The following ZBTB7C variants were observed in gnomAD, a reference collection of about 807,000 sequenced individuals.
ZBTB7C encodes zinc finger and BTB domain-containing protein 7C.
In ZBTB7C, 8 loss-of-function variants were observed where a neutral mutation model predicts 25.7. The observed-to-expected ratio is 0.31, with a 90% CI of 0.18 to 0.56. ZBTB7C has a LOEUF of 0.56. Ranked by LOEUF, ZBTB7C falls within the 20% of genes least tolerant of loss-of-function variation. ZBTB7C has a pLI of 0.91. For synonymous variants in ZBTB7C, 394 were observed against 369.0 expected (o/e 1.07, Z -0.78); for missense variants, 824 against 855.2 (o/e 0.96, Z 0.46).
intron 3 of ZBTB7C, among the ~76,000 whole-genome samples, chr18:48,107,799 G>C (rs796729860): frequency 2.0e-5 from 3 of 152,294 alleles, no homozygotes; most frequent in African/African-American, 7.2e-5. Context: ...CAAGTGCTGA[G>C]ATGGCGCCTA....
intron 3 of ZBTB7C, chr18:48,185,363 T>C (rs765734966): frequency 2.3e-6 from 1 of 444,188 alleles, no homozygotes; most frequent in South Asian, 1.6e-5. Flanking sequence ...AGGTGTCTTC[T>C]CTTCCTGAAC....
chr18:48,144,503 C>T (rs1311314374), intron 3 of ZBTB7C, among the ~76,000 whole-genome samples: 1 of 151,986 alleles, frequency 6.6e-6, no homozygotes, highest in Non-Finnish European at 1.5e-5. Context: ...ACCACCATGC[C>T]TGGCTAATTT....
chr18:48,409,614 C>T (rs1268508175), upstream of ZBTB7C, among the ~76,000 whole-genome samples: 1 of 151,296 alleles, frequency 6.6e-6, no homozygotes, highest in South Asian at 2.1e-4. Flanking sequence ...CTTGCTGCGC[C>T]GCAGCCCCCG....
intron 2 of ZBTB7C, among the ~76,000 whole-genome samples, chr18:48,249,184 T>A (rs1270193400): frequency 6.6e-6 from 1 of 152,236 alleles, no homozygotes; most frequent in East Asian, 1.9e-4. Context: ...TTAAATAATA[T>A]TTTTGCAAAG....
chr18:48,341,332 G>C (rs529639037), intron 1 of ZBTB7C, among the ~76,000 whole-genome samples: 2 of 152,194 alleles, frequency 1.3e-5, no homozygotes, highest in Non-Finnish European at 2.9e-5. Context: ...GCCCTGGCTC[G>C]GTCTCAGGCT....
chr18:48,220,920 C>T (rs907681916), intron 2 of ZBTB7C, among the ~76,000 whole-genome samples: 4 of 151,856 alleles, frequency 2.6e-5, no homozygotes, highest in African/African-American at 9.7e-5. Context: ...ATACTCTCTC[C>T]CTCTGTACTG....
chr18:48,343,220 G>A (rs553317609), intron 1 of ZBTB7C, among the ~76,000 whole-genome samples: 14 of 152,210 alleles, frequency 9.2e-5, no homozygotes, highest in Middle Eastern at 3.4e-3. Flanking sequence ...GAAGGTATTA[G>A]ATCTAACTGC....
chr18:48,096,854 G>A (rs2038651792), intron 3 of ZBTB7C, among the ~76,000 whole-genome samples: 1 of 152,142 alleles, frequency 6.6e-6, no homozygotes, highest in East Asian at 1.9e-4. Flanking sequence ...GTTTGTGTTG[G>A]GTCTAAGTCA....
chr18:48,054,327 G>A (rs114394903), intron 3 of ZBTB7C, among the ~76,000 whole-genome samples: 8,401 of 152,206 alleles, frequency 0.055, 328 homozygotes, highest in East Asian at 0.15. Context: ...CCAGGAAGCC[G>A]CTCTGCATTA....
chr18:48,354,354 T>C (rs1462718874), intron 1 of ZBTB7C, among the ~76,000 whole-genome samples: 1 of 152,150 alleles, frequency 6.6e-6, no homozygotes, highest in African/African-American at 2.4e-5. Flanking sequence ...GCTGACCTTA[T>C]CAATCTCAAC....
intron 4 of ZBTB7C, among the ~76,000 whole-genome samples, chr18:48,036,461 CAGCACCCCA>C (rs886580905): frequency 6.6e-6 from 1 of 152,188 alleles, no homozygotes; most frequent in African/African-American, 2.4e-5. Context: ...CAGGCCTCTC[CAGCACCCCA>C]TGGGGTGGGG....
At chr18:48,082,061 A>G (rs765053034) in intron 3 of ZBTB7C, among the ~76,000 whole-genome samples, 8 of 152,198 alleles carry the variant, frequency 5.3e-5, no homozygotes, top group African/African-American at 7.2e-5. Flanking sequence ...GTGTTGGTCT[A>G]CGCATTAGAG....
At chr18:48,388,349 C>T (rs951661002) in intron 1 of ZBTB7C, among the ~76,000 whole-genome samples, 4 of 152,062 alleles carry the variant, frequency 2.6e-5, no homozygotes, top group African/African-American at 9.7e-5. Flanking sequence ...GGACATTCAT[C>T]TCTTCTCCCT....
chr18:48,111,487 G>A (rs1300092087), intron 3 of ZBTB7C, among the ~76,000 whole-genome samples: 1 of 152,122 alleles, frequency 6.6e-6, no homozygotes, highest in Non-Finnish European at 1.5e-5. Flanking sequence ...TCAATATTTG[G>A]TAACCCAAGG....
At chr18:48,072,391 C>G (rs2037580126) in intron 3 of ZBTB7C, 1 of 152,382 alleles carries the variant, frequency 6.6e-6, no homozygotes, top group East Asian at 1.9e-4. Context: ...ATCTCTCACC[C>G]TTTCCCCCTT....
At chr18:48,370,097 A>G (rs2047350705) in intron 1 of ZBTB7C, among the ~76,000 whole-genome samples, 1 of 152,218 alleles carries the variant, frequency 6.6e-6, no homozygotes, top group Non-Finnish European at 1.5e-5. Context: ...GCAAGATAAG[A>G]GTAAAACTTC....
intron 2 of ZBTB7C, among the ~76,000 whole-genome samples, chr18:48,243,439 A>G (rs1314784572): frequency 6.6e-6 from 1 of 152,170 alleles, no homozygotes; most frequent in Non-Finnish European, 1.5e-5. Context: ...AAAAAATAAA[A>G]TAAAATACTC....
intron 1 of ZBTB7C, among the ~76,000 whole-genome samples, chr18:48,365,062 G>C (rs923846713): frequency 6.6e-6 from 1 of 152,194 alleles, no homozygotes; most frequent in Non-Finnish European, 1.5e-5. Flanking sequence ...CCCTGATATA[G>C]ATCATGCTAC....
intron 1 of ZBTB7C, among the ~76,000 whole-genome samples, chr18:48,348,357 C>A (rs1430591861): frequency 6.6e-6 from 1 of 152,214 alleles, no homozygotes; most frequent in Admixed American, 6.5e-5. Flanking sequence ...GCCAAGGTCA[C>A]ACAGTTTATA....
Sources: allele counts gnomAD v4.1 joint callset (sites outside exome capture counted in the v4.1 genomes callset), GRCh38; gene constraint gnomAD v4.1.1; transcripts MANE v1.5; gene names NCBI Gene and HGNC (gene_info 2026-07-23, HGNC 2026-07-21).